The following ELOVL2 variants were observed in gnomAD, a reference collection of about 807,000 sequenced individuals.
ELOVL2 encodes the protein ELOVL fatty acid elongase 2.
A neutral mutation model predicts 37.7 loss-of-function variants in ELOVL2; 38 were observed. That is an observed-to-expected ratio of 1.01 (90% CI 0.78 to 1.32). ELOVL2 has a LOEUF of 1.32. Ranked by LOEUF, ELOVL2 falls within the 40% of genes most tolerant of loss-of-function variation. ELOVL2 has a pLI of 0.00. For synonymous variants in ELOVL2, 115 were observed against 122.3 expected, an observed-to-expected ratio of 0.94 and a Z score of 0.40; for missense variants, 352 against 363.6, an observed-to-expected ratio of 0.97 and a Z score of 0.26.
At chr6:10,991,546 G>A (rs1159543456) in intron 5 of ELOVL2, among the ~76,000 whole-genome samples, 1 of 152,196 alleles carries the variant, frequency 6.6e-6, no homozygotes, top group South Asian at 2.1e-4. Context: ...CCGCACATAT[G>A]CTGGCTAATA....
chr6:10,987,926 A>C (rs1782079121), intron 7 of ELOVL2, among the ~76,000 whole-genome samples: 1 of 152,080 alleles, frequency 6.6e-6, no homozygotes, highest in Non-Finnish European at 1.5e-5. Flanking sequence ...ACAAGGATCC[A>C]AACTTAAATT....
chr6:11,010,979 C>T (rs554610814), intron 1 of ELOVL2, among the ~76,000 whole-genome samples, 170 bp from the exon 2 acceptor site: 2 of 152,278 alleles, frequency 1.3e-5, no homozygotes, highest in South Asian at 4.1e-4. Context: ...GCATCCTCAC[C>T]TTTCACAAGC....
At chr6:11,011,964 T>C (rs1490361605) in intron 1 of ELOVL2, among the ~76,000 whole-genome samples, 1 of 152,180 alleles carries the variant, frequency 6.6e-6, no homozygotes, top group Admixed American at 6.5e-5. Flanking sequence ...GGGAAGTTGA[T>C]ATGGAGCATG....
chr6:11,009,428 T>G (rs1018105970), intron 2 of ELOVL2, among the ~76,000 whole-genome samples: 2 of 152,150 alleles, frequency 1.3e-5, no homozygotes, highest in Non-Finnish European at 2.9e-5. Context: ...TGCTCCCCTA[T>G]TTTTGGACCA....
chr6:10,988,057 C>T (rs1013074479), intron 7 of ELOVL2, among the ~76,000 whole-genome samples: 8 of 152,260 alleles, frequency 5.3e-5, no homozygotes, highest in African/African-American at 1.9e-4. Context: ...ACCAAAATCA[C>T]TCCCTTAGCT....
In ELOVL2 at chr6:11,021,004, G is replaced by C. The variant is rs546365892; in HGVS notation, c.4-10195C>G. Reference sequence around the variant, plus strand: ...TCAATTCCTTGGTATCCAGCTGTATGTTACAAGAGGAACTAGCATTCTTAT... The same window carrying C: ...TCAATTCCTTGGTATCCAGCTGTATCTTACAAGAGGAACTAGCATTCTTAT... On this transcript the variant is annotated intron_variant, in intron 1 of 7. Transcript: ENST00000354666. Among the ~76,000 whole-genome samples, 3 of 152,300 alleles carry C rather than the reference G, an allele frequency of 2.0e-5. No individual in the cohort carries two copies. The East Asian group carries it at 5.8e-4, about 29-fold the overall frequency.
chr6:10,988,029 T>A (rs1294419910), intron 7 of ELOVL2, among the ~76,000 whole-genome samples: 5 of 152,228 alleles, frequency 3.3e-5, no homozygotes, highest in Non-Finnish European at 7.3e-5. Context: ...GGCTATACGC[T>A]TCTCTTCAAC....
intron 7 of ELOVL2, among the ~76,000 whole-genome samples, chr6:10,988,027 G>A (rs1052795556): frequency 6.6e-5 from 10 of 152,264 alleles, no homozygotes; most frequent in East Asian, 1.9e-4. Context: ...TGGGCTATAC[G>A]CTTCTCTTCA....
chr6:10,982,348 G>C lies in ELOVL2; in HGVS notation c.*1433C>G, dbSNP rs1361281883. 1 of 152,140 alleles carries C rather than the reference G, an allele frequency of 6.6e-6. No homozygotes were observed. Among genetic ancestry groups the C allele is most frequent in the Non-Finnish European group, 1.5e-5 (1 of 68,026 alleles). The allele number at this position is 152,140 out of a possible 1,614,324, so 9.4% of individuals were successfully genotyped here. A position where few individuals can be genotyped will look rare whatever the true frequency, so the allele number is the denominator to read the frequency against. On this transcript the variant is annotated 3_prime_UTR_variant, in exon 8 of 8. Coordinates refer to ENST00000354666, the MANE Select transcript of ELOVL2 (RefSeq NM_017770.4). Reference sequence around the variant, plus strand: ...ACGCTAATGAGTGGGGACGGTGGTGGAAATGCCTTTCTGGTGTGCATGTAT... The same window carrying C: ...ACGCTAATGAGTGGGGACGGTGGTGCAAATGCCTTTCTGGTGTGCATGTAT...
At chr6:11,008,988 G>A (rs755695129) in intron 2 of ELOVL2, among the ~76,000 whole-genome samples, 2 of 152,120 alleles carry the variant, frequency 1.3e-5, no homozygotes, top group Non-Finnish European at 2.9e-5. Flanking sequence ...AGAGAACTAA[G>A]GACTTTTCAC....
intron 7 of ELOVL2, among the ~76,000 whole-genome samples, chr6:10,986,415 CT>C (rs1782054354): frequency 6.6e-6 from 1 of 152,188 alleles, no homozygotes; most frequent in South Asian, 2.1e-4. Context: ...GAGGGCATCC[CT>C]GTCTTGTGCC....
intron 1 of ELOVL2, among the ~76,000 whole-genome samples, chr6:11,014,243 C>T (rs1346050127): frequency 2.0e-5 from 3 of 152,102 alleles, no homozygotes; most frequent in Non-Finnish European, 4.4e-5. Context: ...AGTTTTCCAC[C>T]CCCAGGTATC....
At chr6:10,994,052 C>T (rs1410698374) in intron 5 of ELOVL2, among the ~76,000 whole-genome samples, 1 of 149,978 alleles carries the variant, frequency 6.7e-6, no homozygotes, top group Non-Finnish European at 1.5e-5. Context: ...GTGGTATATG[C>T]GGGTAGTCAG....
At chr6:11,036,191 T>C (rs988238542) in intron 1 of ELOVL2, among the ~76,000 whole-genome samples, 2 of 152,178 alleles carry the variant, frequency 1.3e-5, no homozygotes, top group African/African-American at 4.8e-5. Context: ...AAACAGAAAG[T>C]CATTTATGAG....
intron 5 of ELOVL2, among the ~76,000 whole-genome samples, chr6:10,992,253 T>A (rs1420059596): frequency 6.6e-6 from 1 of 152,222 alleles, no homozygotes; most frequent in African/African-American, 2.4e-5. Flanking sequence ...ACTCCAAATA[T>A]CTCTGGGCAC....
At chr6:11,039,398 G>C (rs1377721898) in intron 1 of ELOVL2, among the ~76,000 whole-genome samples, 1 of 152,134 alleles carries the variant, frequency 6.6e-6, no homozygotes, top group Non-Finnish European at 1.5e-5. Flanking sequence ...GGTGGTGGTG[G>C]TGATTGTGAT....
At chr6:11,012,661 G>A (rs144488296) in intron 1 of ELOVL2, among the ~76,000 whole-genome samples, 350 of 152,260 alleles carry the variant, frequency 2.3e-3, no homozygotes, top group African/African-American at 7.8e-3. Context: ...TAGTCACAGT[G>A]GAAGAAGGGC....
chr6:10,997,399 G>A (rs1581863723), intron 4 of ELOVL2, among the ~76,000 whole-genome samples: 1 of 151,744 alleles, frequency 6.6e-6, no homozygotes, highest in Non-Finnish European at 1.5e-5. Context: ...CAAATTTCTC[G>A]GTCTCAAAAA....
At chr6:11,038,173 A>C (rs1365544365) in intron 1 of ELOVL2, among the ~76,000 whole-genome samples, 1 of 152,192 alleles carries the variant, frequency 6.6e-6, no homozygotes, top group Non-Finnish European at 1.5e-5. Context: ...CTCTCACAAA[A>C]GTTTTTTTGT....
Sources: gnomAD v4.1 joint callset for allele counts (sites outside exome capture counted in the v4.1 genomes callset) on GRCh38, gnomAD v4.1.1 for gene constraint, MANE v1.5 for transcripts, NCBI Gene and HGNC (gene_info 2026-07-23, HGNC 2026-07-21) for gene names.